PHF20: variants seen among roughly 807,000 people sequenced by gnomAD.
The protein encoded by PHF20 is glioma-expressed antigen 2.
In PHF20, 23 loss-of-function variants were observed where a neutral mutation model predicts 113.5. That is an observed-to-expected ratio of 0.20 (90% CI 0.15 to 0.29). PHF20 has a LOEUF of 0.29. Among genes scored for constraint, PHF20 ranks in the 10% least tolerant of loss-of-function variants. PHF20 has a pLI of 1.00. For missense variants in PHF20, 943 were observed against 1,219.6 expected, an observed-to-expected ratio of 0.77 and a Z score of 3.38; for synonymous variants, 434 against 457.3, an observed-to-expected ratio of 0.95 and a Z score of 0.65.
At chr20:35,913,228 A>C (rs2055340321) in intron 10 of PHF20, 21 bp from the exon 11 acceptor site, 1 of 1,549,494 alleles carries the variant, frequency 6.5e-7, no homozygotes, top group African/African-American at 1.4e-5. Flanking sequence ...TTAAAATGCC[A>C]ACATTTGTGT....
chr20:35,928,190 G>A (rs938614850), intron 14 of PHF20, among the ~76,000 whole-genome samples: 2 of 152,116 alleles, frequency 1.3e-5, no homozygotes, highest in Non-Finnish European at 2.9e-5. Flanking sequence ...TGTAATCCCA[G>A]CACTTTGGGA....
intron 1 of PHF20, among the ~76,000 whole-genome samples, chr20:35,788,014 G>A (rs1024239396): frequency 6.6e-6 from 1 of 152,112 alleles, no homozygotes; most frequent in African/African-American, 2.4e-5. Flanking sequence ...CTGGCCTTAA[G>A]TGATCCACCT....
chr20:35,785,188 T>G (rs1415910926), intron 1 of PHF20, among the ~76,000 whole-genome samples: 4 of 152,304 alleles, frequency 2.6e-5, no homozygotes, highest in Middle Eastern at 3.4e-3. Flanking sequence ...CTGACTTCTC[T>G]GCATTGTTGG....
intron 13 of PHF20, among the ~76,000 whole-genome samples, chr20:35,926,363 G>A (rs1473264361): frequency 6.2e-5 from 9 of 145,300 alleles, no homozygotes; most frequent in Admixed American, 1.4e-4. Flanking sequence ...TCAGCCTCCC[G>A]AGTAGCTGGG....
intron 1 of PHF20, chr20:35,782,257 G>GTTTTTTTTTTTTTTTTTTTT (rs1398951271): frequency 1.6e-5 from 1 of 64,116 alleles, no homozygotes; most frequent in Non-Finnish European, 3.6e-5. Context: ...TCTTTTTCTT[G>GTTTTTTTTTTTTTTTTTTTT]TTTTGTTTTT....
At chr20:35,827,530 A>AT (rs1327217201) in intron 2 of PHF20, among the ~76,000 whole-genome samples, 1 of 151,954 alleles carries the variant, frequency 6.6e-6, no homozygotes, top group Non-Finnish European at 1.5e-5. Flanking sequence ...CACGCCTGTA[A>AT]TCCCAGCACT....
intron 9 of PHF20, among the ~76,000 whole-genome samples, chr20:35,877,279 CAAAAAAAAAAAA>C (rs1246687018): frequency 2.3e-4 from 3 of 12,972 alleles, no homozygotes; most frequent in African/African-American, 7.1e-4. Flanking sequence ...GACTCCATCT[CAAAAAAAAAAAA>C]AAAAAAAAAA....
chr20:35,844,125 C>T (rs967665116), intron 3 of PHF20, among the ~76,000 whole-genome samples: 5 of 152,014 alleles, frequency 3.3e-5, no homozygotes, highest in East Asian at 3.9e-4. Context: ...GTTTTTGAGA[C>T]GGGGTCTTGC....
rs1188827033 is a variant in PHF20 at position 35,877,580 on chromosome 20, C to CTT, written c.1282+5764_1282+5765dup. 1.3e-3 allele frequency among the ~76,000 whole-genome samples: 188 copies of CTT among 140,896 alleles called. 2 individuals are homozygous for CTT. The highest frequency in any genetic ancestry group is 3.9e-3 in the African/African-American group (152 of 38,644). 92.4% of individuals were successfully genotyped at this position (140,896 alleles called of 152,430 possible). On this transcript the variant is annotated intron_variant, in intron 9 of 17. Coordinates refer to ENST00000374012, the MANE Select transcript of PHF20 (RefSeq NM_016436.5). ...TTCTCCTGTCTCAGCCTCCCACTTT[C>CTT]TTTTTTTTTTTTTTGAAGGTGGAGT...
At chr20:35,791,516 A>G (rs1431219551) in intron 1 of PHF20, among the ~76,000 whole-genome samples, 1 of 145,558 alleles carries the variant, frequency 6.9e-6, no homozygotes, top group Non-Finnish European at 1.5e-5. Flanking sequence ...AATAGTATAT[A>G]CATATATATC....
At chr20:35,856,143 ACTCT>A (rs1382151375) in intron 4 of PHF20, among the ~76,000 whole-genome samples, 1 of 150,698 alleles carries the variant, frequency 6.6e-6, no homozygotes, top group Non-Finnish European at 1.5e-5. Context: ...CCCTCCCTCT[ACTCT>A]CTATCTCCGT....
chr20:35,864,013 T>C (rs961877884), intron 6 of PHF20, among the ~76,000 whole-genome samples: 3 of 152,176 alleles, frequency 2.0e-5, no homozygotes, highest in Non-Finnish European at 4.4e-5. Context: ...GGAATTCTTC[T>C]AGAATAACCA....
At chr20:35,804,303 T>C (rs1196393235) in intron 2 of PHF20, among the ~76,000 whole-genome samples, 1 of 146,716 alleles carries the variant, frequency 6.8e-6, no homozygotes, top group African/African-American at 2.5e-5. Flanking sequence ...GCTCGATCTC[T>C]CCTCACTGCA....
chr20:35,873,851 A>G (rs1360812376), intron 9 of PHF20, among the ~76,000 whole-genome samples: 1 of 152,196 alleles, frequency 6.6e-6, no homozygotes, highest in Non-Finnish European at 1.5e-5. Context: ...AACTTCTCAC[A>G]GTTCACTTAG....
Position 35,899,560 on chromosome 20 carries a change from G to T in PHF20, c.1473G>T (p.Lys491Asn). Residue 491 changes from lysine to asparagine, a missense_variant, in exon 10 of 18, where the codon AAG (lysine) becomes AAT (asparagine). Physicochemically the swap from Lys to Asn is moderately conservative, Grantham distance 94. Coordinates refer to ENST00000374012, the MANE Select transcript of PHF20 (RefSeq NM_016436.5). ...TGGAGCCAGAAGAGAGCCCGGGAAA[G>T]AGGCATGTCCAAACCAGGGGCCCTT... ...KSLEPEESPG[K>N]RHVQTRGPSA... 1 of 1,614,114 alleles carries T rather than the reference G, an allele frequency of 6.2e-7. No individual in the cohort carries two copies. Among genetic ancestry groups the T allele is most frequent in the East Asian group, 2.2e-5 (1 of 44,882 alleles).
rs199704339 is a variant in PHF20, at chr20:35,927,902, A to T, written c.2104+23A>T. The T allele has an allele frequency of 6.0e-6, 9 of 1,493,624 alleles. No individual in the cohort carries two copies. In the East Asian group the frequency reaches 2.0e-4, roughly 34 times the overall value. The allele number at this position is 1,493,624 out of a possible 1,614,324, so 92.5% of individuals were successfully genotyped here. On this transcript the variant is annotated intron_variant, in intron 14 of 17. Coordinates refer to ENST00000374012, the MANE Select transcript of PHF20 (RefSeq NM_016436.5). ...CAGGTAGAGATTTCTGGAGTCAGGG[A>T]TATAACAGTATGTAGCCTTTTCCTT...
At chr20:35,938,557 T>C (rs2055911342) in intron 15 of PHF20, 140 bp from the exon 16 acceptor site, 1 of 791,152 alleles carries the variant, frequency 1.3e-6, no homozygotes, top group Non-Finnish European at 2.1e-6. Context: ...TCACATTCGC[T>C]CTTGTTTAGC....
chr20:35,926,512 T>C (rs1244863002), intron 13 of PHF20, among the ~76,000 whole-genome samples: 9 of 152,100 alleles, frequency 5.9e-5, no homozygotes, highest in Non-Finnish European at 1.2e-4. Flanking sequence ...GTGCTGGGAT[T>C]ACAAGCGTGA....
intron 2 of PHF20, among the ~76,000 whole-genome samples, chr20:35,820,578 A>G (rs993618302): frequency 1.7e-4 from 26 of 151,194 alleles, no homozygotes; most frequent in Non-Finnish European, 3.4e-4. Context: ...CCTCCCAAGT[A>G]GCTGGGACTA....
Sources: allele counts gnomAD v4.1 joint callset (sites outside exome capture counted in the v4.1 genomes callset), GRCh38; gene constraint gnomAD v4.1.1; transcripts MANE v1.5; gene names NCBI Gene and HGNC (gene_info 2026-07-23, HGNC 2026-07-21).